The following PTPRD variants were observed in gnomAD, a reference collection of about 807,000 sequenced individuals.
PTPRD encodes the protein receptor-type tyrosine-protein phosphatase delta.
Under a neutral mutation model 214.5 loss-of-function variants are expected in PTPRD, and 34 were observed. That is an observed-to-expected ratio of 0.16 (90% confidence interval 0.12 to 0.21). The LOEUF (loss-of-function observed/expected upper bound fraction) is 0.21, where lower values mean the gene tolerates loss of function less well. PTPRD is among the 10% of genes least tolerant of loss of function. PTPRD has a pLI of 1.00. For missense variants in PTPRD, 2,545 were observed against 2,398.7 expected (o/e 1.06, Z -1.27); for synonymous variants, 1,128 against 845.7 (o/e 1.33, Z -5.79).
chr9:10,506,346 G>C (rs1028093047), intron 2 of PTPRD, among the ~76,000 whole-genome samples: 1 of 152,104 alleles, frequency 6.6e-6, no homozygotes, highest in Non-Finnish European at 1.5e-5. Flanking sequence ...AAATTGAAAA[G>C]TAACCTTGGT....
intron 9 of PTPRD, among the ~76,000 whole-genome samples, chr9:9,359,174 C>G (rs973422641): frequency 9.3e-5 from 14 of 151,134 alleles, no homozygotes; most frequent in African/African-American, 3.1e-4. Flanking sequence ...ACATTATATC[C>G]TTCAGTTTTC....
intron 9 of PTPRD, among the ~76,000 whole-genome samples, chr9:9,220,455 G>A (rs1391371776): frequency 2.6e-5 from 4 of 151,882 alleles, no homozygotes; most frequent in African/African-American, 9.7e-5. Flanking sequence ...ATTTGGTCTT[G>A]ATAACCTTGT....
chr9:8,344,903 A>C (rs1856070601), intron 39 of PTPRD, among the ~76,000 whole-genome samples: 2 of 152,210 alleles, frequency 1.3e-5, no homozygotes, highest in Non-Finnish European at 2.9e-5. Context: ...TAAAAATACC[A>C]AGTGTTTTGC....
chr9:9,650,606 A>G (rs1009846056), intron 7 of PTPRD, among the ~76,000 whole-genome samples: 1 of 152,148 alleles, frequency 6.6e-6, no homozygotes, highest in African/African-American at 2.4e-5. Flanking sequence ...GAGGGGAACA[A>G]CATATACTAG....
intron 11 of PTPRD, among the ~76,000 whole-genome samples, chr9:9,016,936 A>G (rs2099538063): frequency 6.6e-6 from 1 of 152,048 alleles, no homozygotes; most frequent in African/African-American, 2.4e-5. Flanking sequence ...CTGGGATTTT[A>G]CTCAGTATTT....
chr9:8,958,833 A>C (rs1405453279), intron 11 of PTPRD: 4 of 152,132 alleles, frequency 2.6e-5, no homozygotes, highest in African/African-American at 9.6e-5. Flanking sequence ...AAAGGACTGG[A>C]GATATTGTCT....
chr9:9,428,824 A>G (rs2082007213), intron 8 of PTPRD, among the ~76,000 whole-genome samples: 1 of 152,238 alleles, frequency 6.6e-6, no homozygotes, highest in African/African-American at 2.4e-5. Context: ...AAAGAAATGA[A>G]GGCAGAAATA....
intron 9 of PTPRD, among the ~76,000 whole-genome samples, chr9:9,303,952 C>T (rs543604222): frequency 2.6e-5 from 4 of 152,064 alleles, no homozygotes; most frequent in South Asian, 2.1e-4. Flanking sequence ...GATTGCATTA[C>T]GGGGCTTCTA....
chr9:9,642,748 G>A (rs1432872846), intron 7 of PTPRD, among the ~76,000 whole-genome samples: 2 of 152,154 alleles, frequency 1.3e-5, no homozygotes, highest in African/African-American at 4.8e-5. Context: ...AGCAACTCAA[G>A]GAACTATAAA....
intron 11 of PTPRD, among the ~76,000 whole-genome samples, chr9:8,889,303 G>A (rs550004099): frequency 9.9e-5 from 15 of 152,196 alleles, no homozygotes; most frequent in South Asian, 6.2e-4. Flanking sequence ...GAGAAATTGC[G>A]TAATATGTAT....
intron 3 of PTPRD, among the ~76,000 whole-genome samples, chr9:10,147,610 C>A (rs10958918): frequency 6.6e-5 from 10 of 151,938 alleles, no homozygotes; most frequent in Non-Finnish European, 8.8e-5. Context: ...CTGGGCACAG[C>A]GGCTCATGTC....
At chr9:8,955,408 C>G (rs7040193) in intron 11 of PTPRD, among the ~76,000 whole-genome samples, 9,290 of 151,720 alleles carry the variant, frequency 0.061, 567 homozygotes, top group East Asian at 0.26. Flanking sequence ...CTCGTAGACT[C>G]AATTATTCTG....
At chr9:8,522,741 G>C (rs2097915930) in intron 19 of PTPRD, among the ~76,000 whole-genome samples, 1 of 152,108 alleles carries the variant, frequency 6.6e-6, no homozygotes. Flanking sequence ...AAGATAAATT[G>C]GTTTCATCTG....
intron 8 of PTPRD, among the ~76,000 whole-genome samples, chr9:9,464,058 T>C (rs2093917886): frequency 6.6e-6 from 1 of 152,196 alleles, no homozygotes; most frequent in African/African-American, 2.4e-5. Context: ...CCCAACTATA[T>C]TAACCCTTAA....
intron 7 of PTPRD, among the ~76,000 whole-genome samples, chr9:9,706,891 A>G (rs1244170293): frequency 1.3e-5 from 2 of 152,206 alleles, no homozygotes; most frequent in East Asian, 3.8e-4. Flanking sequence ...AAAATGAAAC[A>G]AAAAGGCAAA....
At chr9:9,690,598 T>C (rs1249105589) in intron 7 of PTPRD, among the ~76,000 whole-genome samples, 1 of 151,988 alleles carries the variant, frequency 6.6e-6, no homozygotes, top group Non-Finnish European at 1.5e-5. Context: ...AGTAATTTCA[T>C]AGTTTTAAGT....
intron 5 of PTPRD, among the ~76,000 whole-genome samples, chr9:9,864,346 T>C (rs955283798): frequency 1.3e-5 from 2 of 150,148 alleles, no homozygotes; most frequent in African/African-American, 2.5e-5. Flanking sequence ...AAAAAAAGTT[T>C]TGTGGGATAT....
intron 12 of PTPRD, among the ~76,000 whole-genome samples, chr9:8,717,811 T>G (rs937149167): frequency 1.3e-5 from 2 of 148,674 alleles, no homozygotes; most frequent in Non-Finnish European, 2.9e-5. Context: ...AGCTTTGCCT[T>G]AATGCCCTCC....
At chr9:8,454,748 A>C (rs960173851) in intron 33 of PTPRD, among the ~76,000 whole-genome samples, 17 of 152,188 alleles carry the variant, frequency 1.1e-4, no homozygotes, top group African/African-American at 3.9e-4. Context: ...AGCGAATCAA[A>C]ATATTTATAG....
Sources: gnomAD v4.1 joint callset for allele counts (sites outside exome capture counted in the v4.1 genomes callset) on GRCh38, gnomAD v4.1.1 for gene constraint, MANE v1.5 for transcripts, NCBI Gene and HGNC (gene_info 2026-07-23, HGNC 2026-07-21) for gene names.